The following PSMB2 variants were observed in gnomAD, a reference collection of about 807,000 sequenced individuals.
PSMB2 encodes proteasome 20S subunit beta 2.
PSMB2 carries 13 observed loss-of-function variants against 25.7 expected under a neutral mutation model. The observed-to-expected ratio is 0.51, with a 90% confidence interval of 0.33 to 0.80. PSMB2 has a LOEUF of 0.80. Ranked by LOEUF, PSMB2 falls within the 30% of genes least tolerant of loss-of-function variation. The probability of loss-of-function intolerance (pLI) is 0.02; values close to 1 mark genes in which losing one functional copy is unlikely to be tolerated. For missense variants in PSMB2, 202 were observed against 259.0 expected (o/e 0.78, Z 1.51); for synonymous variants, 87 against 96.2 (o/e 0.90, Z 0.56).
chr1:35,635,914 C>T (rs1651234861), intron 2 of PSMB2, among the ~76,000 whole-genome samples: 1 of 150,830 alleles, frequency 6.6e-6, no homozygotes, highest in South Asian at 2.1e-4. Flanking sequence ...AAAGACAAAC[C>T]AATTGTTATA....
intron 4 of PSMB2, among the ~76,000 whole-genome samples, chr1:35,606,197 T>C (rs1192378462): frequency 6.6e-6 from 1 of 152,118 alleles, no homozygotes; most frequent in Non-Finnish European, 1.5e-5. Context: ...TAGGAAGTCC[T>C]AACCAGAGCA....
chr1:35,613,146 C>T (rs1278623955), intron 3 of PSMB2, among the ~76,000 whole-genome samples: 2 of 152,226 alleles, frequency 1.3e-5, no homozygotes, highest in African/African-American at 4.8e-5. Context: ...GTGTGAGATG[C>T]TTAAGCATAA....
Position 35,605,166 on chromosome 1 carries a change from G to C in PSMB2, c.498+67C>G, listed in dbSNP as rs988052206. The C allele has an allele frequency of 2.7e-6, 4 of 1,474,486 alleles. No individual in the cohort carries two copies. The African/African-American group carries it at 5.7e-5, about 21-fold the overall frequency. 91.3% of individuals were successfully genotyped at this position (1,474,486 alleles called of 1,614,324 possible). On this transcript the variant is annotated intron_variant, in intron 5 of 5. Transcript: ENST00000373237. Reference sequence around the variant, plus strand: ...AAAAATCTGAAAAAATATAACTGAGGAACAGGAACAACACTGGCAAACAGA... The same window carrying C: ...AAAAATCTGAAAAAATATAACTGAGCAACAGGAACAACACTGGCAAACAGA...
intron 2 of PSMB2, among the ~76,000 whole-genome samples, chr1:35,633,569 C>T (rs1651161821): frequency 6.6e-6 from 1 of 152,202 alleles, no homozygotes; most frequent in South Asian, 2.1e-4. Flanking sequence ...CACTCTTCTC[C>T]CTCTCTCAGG....
At chr1:35,641,223 G>T in intron 1 of PSMB2, 119 bp downstream of exon 1, 2 of 1,254,802 alleles carry the variant, frequency 1.6e-6, no homozygotes, top group Non-Finnish European at 2.2e-6. Flanking sequence ...ATAAGTACGG[G>T]CAGGGCAGGC....
At chr1:35,612,885 G>A (rs1650382445) in intron 3 of PSMB2, among the ~76,000 whole-genome samples, 1 of 152,186 alleles carries the variant, frequency 6.6e-6, no homozygotes, top group Non-Finnish European at 1.5e-5. Context: ...TCCATACTAT[G>A]AGATTAAATT....
At chr1:35,607,739 T>C (rs1192319004) in intron 4 of PSMB2, among the ~76,000 whole-genome samples, 1 of 152,114 alleles carries the variant, frequency 6.6e-6, no homozygotes, top group African/African-American at 2.4e-5. Context: ...TGGGGAAATA[T>C]TGCACCCCAG....
Position 35,634,227 on chromosome 1 carries a change from T to C in PSMB2, c.214+2083A>G, listed in dbSNP as rs182572506. Among the ~76,000 whole-genome samples, 691 of 152,356 alleles carry C rather than the reference T, an allele frequency of 4.5e-3. 4 individuals are homozygous for C. Among genetic ancestry groups the C allele is most frequent in the Non-Finnish European group, 7.7e-3 (523 of 68,024 alleles). ...AGTTAGTTACACAATGCTTTAGGTTTACAAAATATTTTCATATGTATTATT... is the reference window on the plus strand; with the variant it reads ...AGTTAGTTACACAATGCTTTAGGTTCACAAAATATTTTCATATGTATTATT... On this transcript the variant is annotated intron_variant, in intron 2 of 5. Transcript: ENST00000373237.
chr1:35,600,929 T>G lies in PSMB2; in HGVS notation c.*2338A>C. 1.0e-6 allele frequency: 1 copy of G among 984,842 alleles called. No homozygotes were observed. The allele number at this position is 984,842 out of a possible 1,614,324, so 61.0% of individuals were successfully genotyped here. A position where few individuals can be genotyped will look rare whatever the true frequency, so the allele number is the denominator to read the frequency against. ...TGTTTACCTATATTACTTCATGGAA[T>G]TCTCATATCTACCACATAGAATAGG... On this transcript the variant is annotated 3_prime_UTR_variant, in exon 6 of 6. Transcript: ENST00000373237.
chr1:35,634,774 GTTTT>G (rs570001667), intron 2 of PSMB2, among the ~76,000 whole-genome samples: 6 of 139,076 alleles, frequency 4.3e-5, no homozygotes, highest in African/African-American at 1.3e-4. Flanking sequence ...ATGGTGTTGG[GTTTT>G]TTTTTTTTTG....
At chr1:35,640,060 A>C (rs513969) in intron 1 of PSMB2, among the ~76,000 whole-genome samples, 25,528 of 147,068 alleles carry the variant, frequency 0.17, 2,712 homozygotes, top group African/African-American at 0.26. Context: ...AAGTACTATA[A>C]TATACTATAC....
At chr1:35,638,781 C>T (rs1233520758) in intron 1 of PSMB2, among the ~76,000 whole-genome samples, 1 of 152,130 alleles carries the variant, frequency 6.6e-6, no homozygotes, top group Non-Finnish European at 1.5e-5. Context: ...AGGTGGCAAT[C>T]CTCAGCAAAT....
chr1:35,604,564 G>A (rs1650105225), intron 5 of PSMB2, among the ~76,000 whole-genome samples: 1 of 152,162 alleles, frequency 6.6e-6, no homozygotes, highest in African/African-American at 2.4e-5. Context: ...CGGATCACCT[G>A]AGGTCAGGAG....
chr1:35,625,018 G>A (rs898973952), intron 3 of PSMB2, among the ~76,000 whole-genome samples: 11 of 150,800 alleles, frequency 7.3e-5, no homozygotes, highest in African/African-American at 2.7e-4. Flanking sequence ...CTGAGATCAT[G>A]CCACTGCACT....
chr1:35,628,514 C>T (rs779644219), intron 3 of PSMB2, among the ~76,000 whole-genome samples: 27 of 142,982 alleles, frequency 1.9e-4, no homozygotes, highest in Admixed American at 2.9e-4. Flanking sequence ...TAATATCTGA[C>T]CCATTTTCCT....
chr1:35,633,980 A>G (rs376186526), intron 2 of PSMB2, among the ~76,000 whole-genome samples: 3 of 152,348 alleles, frequency 2.0e-5, no homozygotes, highest in African/African-American at 7.2e-5. Flanking sequence ...CTGTGAGGTA[A>G]GTGGAAATAA....
At position 35,600,505 on chromosome 1, in the gene PSMB2, AAC is replaced by A. The variant is rs1649958610; in HGVS notation, c.*2760_*2761del. 2 of 981,140 alleles carry A rather than the reference AAC, an allele frequency of 2.0e-6. No individual in the cohort carries two copies. The highest frequency in any genetic ancestry group is 2.4e-6 in the Non-Finnish European group (2 of 826,134). The allele number at this position is 981,140 out of a possible 1,614,324, so 60.8% of individuals were successfully genotyped here. On this transcript the variant is annotated 3_prime_UTR_variant, in exon 6 of 6. Coordinates refer to ENST00000373237, the MANE Select transcript of PSMB2 (RefSeq NM_002794.5). ...TAAAACCAAATTTATTCCAAAATAA[AAC>A]ATTTATTAAAAATAAATGATGCCTG... is the stretch of plus-strand genomic sequence containing the variant.
chr1:35,630,351 CA>C (rs922931239), intron 3 of PSMB2, among the ~76,000 whole-genome samples: 2 of 150,730 alleles, frequency 1.3e-5, no homozygotes, highest in East Asian at 3.9e-4. Context: ...GGTATTTACG[CA>C]AAAAAAAACT....
At chr1:35,637,432 T>C (rs1252580489) in intron 1 of PSMB2, among the ~76,000 whole-genome samples, 1 of 152,222 alleles carries the variant, frequency 6.6e-6, no homozygotes, top group Non-Finnish European at 1.5e-5. Flanking sequence ...TCATTCAGAT[T>C]AGACAGATAA....
Sources: gnomAD v4.1 joint callset for allele counts (sites outside exome capture counted in the v4.1 genomes callset) on GRCh38, gnomAD v4.1.1 for gene constraint, MANE v1.5 for transcripts, NCBI Gene and HGNC (gene_info 2026-07-23, HGNC 2026-07-21) for gene names.